Variants in RNF17 observed in about 807,000 individuals in gnomAD.
RNF17 encodes spermatogenesis associated 23.
In RNF17, 31 loss-of-function variants were observed where a neutral mutation model predicts 200.5. The observed-to-expected ratio is 0.15, with a 90% CI of 0.12 to 0.21. RNF17 has a LOEUF of 0.21. RNF17 is among the 10% of genes least tolerant of loss of function. The pLI is 1.00. For synonymous variants in RNF17, 606 were observed against 637.8 expected, an observed-to-expected ratio of 0.95 and a Z score of 0.75; for missense variants, 1,628 against 1,905.1, an observed-to-expected ratio of 0.85 and a Z score of 2.71.
intron 18 of RNF17, among the ~76,000 whole-genome samples, chr13:24,841,657 T>TA (rs1373570278): frequency 2.0e-5 from 3 of 152,162 alleles, no homozygotes; most frequent in East Asian, 3.8e-4. Flanking sequence ...TTCCAATTTT[T>TA]AAAAAAATTG....
intron 31 of RNF17, 60 bp from the exon 32 acceptor site, chr13:24,870,511 C>T: frequency 6.8e-7 from 1 of 1,478,210 alleles, no homozygotes; most frequent in Non-Finnish European, 9.3e-7. Context: ...ATTTTGTCCA[C>T]ATACGTGAAT....
At chr13:24,826,074 G>A in intron 16 of RNF17, 1 of 985,110 alleles carries the variant, frequency 1.0e-6, no homozygotes, top group Non-Finnish European at 1.2e-6. Flanking sequence ...CTGTTTGTCT[G>A]TCCCATGCTA....
intron 3 of RNF17, among the ~76,000 whole-genome samples, chr13:24,777,760 T>C (rs558537592): frequency 3.1e-4 from 47 of 152,304 alleles, no homozygotes; most frequent in Non-Finnish European, 4.6e-4. Flanking sequence ...TAAAACACAA[T>C]ATATAAGCCA....
At chr13:24,803,480 G>A (rs957610271) in intron 14 of RNF17, among the ~76,000 whole-genome samples, 1 of 152,126 alleles carries the variant, frequency 6.6e-6, no homozygotes, top group Non-Finnish European at 1.5e-5. Flanking sequence ...TGTATTTTTA[G>A]CAGAGACAGG....
At chr13:24,808,282 G>T (rs1886145315) in intron 15 of RNF17, among the ~76,000 whole-genome samples, 1 of 152,018 alleles carries the variant, frequency 6.6e-6, no homozygotes, top group African/African-American at 2.4e-5. Flanking sequence ...CCATGAGCAT[G>T]GAATGTTCTT....
chr13:24,768,880 TATG>T (rs1043757657), intron 2 of RNF17, among the ~76,000 whole-genome samples: 1 of 151,962 alleles, frequency 6.6e-6, no homozygotes, highest in African/African-American at 2.4e-5. Context: ...GCAAGTTAAA[TATG>T]GTTAAAAAAA....
intron 15 of RNF17, among the ~76,000 whole-genome samples, chr13:24,808,553 A>G (rs371797474): frequency 1.8e-4 from 21 of 118,816 alleles, no homozygotes; most frequent in African/African-American, 3.1e-4. Context: ...GGCTGAGACA[A>G]TGGGATTTTC....
At chr13:24,811,508 C>G (rs910836478) in intron 15 of RNF17, among the ~76,000 whole-genome samples, 1 of 152,068 alleles carries the variant, frequency 6.6e-6, no homozygotes, top group Non-Finnish European at 1.5e-5. Flanking sequence ...CCTTTAAGCA[C>G]TTCTCTGTAT....
At chr13:24,763,444 C>T (rs1879040688), upstream of RNF17, among the ~76,000 whole-genome samples, 1 of 148,968 alleles carries the variant, frequency 6.7e-6, no homozygotes. Context: ...GTCTCGATCT[C>T]CTGACCTCGT....
At chr13:24,831,103 T>C (rs560208712) in intron 17 of RNF17, among the ~76,000 whole-genome samples, 2 of 152,340 alleles carry the variant, frequency 1.3e-5, no homozygotes, top group African/African-American at 4.8e-5. Flanking sequence ...AGCCATGTTT[T>C]TCATTTTAGG....
At chr13:24,868,030 T>G (rs1029665322) in intron 30 of RNF17, among the ~76,000 whole-genome samples, 18 of 152,246 alleles carry the variant, frequency 1.2e-4, no homozygotes, top group African/African-American at 3.6e-4. Flanking sequence ...TATGTGTAGA[T>G]AATATGCACA....
the RNF17 span, among the ~76,000 whole-genome samples, chr13:24,749,613 T>C: frequency 0.018 from 2,670 of 152,336 alleles, 79 homozygotes; most frequent in African/African-American, 0.061. Flanking sequence ...GAATATGAGA[T>C]CATTGAGTTG....
chr13:24,805,843 C>T (rs1312220047), intron 15 of RNF17, among the ~76,000 whole-genome samples: 1 of 152,116 alleles, frequency 6.6e-6, no homozygotes, highest in East Asian at 1.9e-4. Flanking sequence ...CCAATTTCTC[C>T]ACACCCTCAT....
chr13:24,789,377 T>G lies in RNF17; in HGVS notation c.813T>G (p.Asp271Glu). The G allele has an allele frequency of 6.2e-7, 1 of 1,604,800 alleles. No homozygotes were observed. Among genetic ancestry groups the G allele is most frequent in the Non-Finnish European group, 8.5e-7 (1 of 1,173,208 alleles). ...TCCGGACTTTGCAGTTAACTTCAGA[T>G]AGTGAATTAGCACAAGTTAGTTCTC... Reference protein sequence around the residue: ...QIIRTLQLTSDSELAQVSSPQ... With the variant: ...QIIRTLQLTSESELAQVSSPQ... Residue 271 changes from aspartate to glutamate, a missense_variant, in exon 8 of 36, where the codon GAT becomes GAG. This residue lies in a region of RNF17 where 502 missense variants were observed against 501.7 expected (regional missense o/e 1.00). Coordinates refer to ENST00000255324, the MANE Select transcript of RNF17 (RefSeq NM_031277.3).
chr13:24,764,984 T>G (rs538282901), intron 1 of RNF17, among the ~76,000 whole-genome samples: 3 of 152,094 alleles, frequency 2.0e-5, no homozygotes, highest in East Asian at 1.9e-4. Flanking sequence ...TCACCTACAA[T>G]CTACTCAAGT....
intron 3 of RNF17, among the ~76,000 whole-genome samples, chr13:24,778,031 G>A (rs1881812702): frequency 6.6e-6 from 1 of 152,124 alleles, no homozygotes; most frequent in African/African-American, 2.4e-5. Flanking sequence ...GGGGGCCGAG[G>A]TGGGTAGATC....
chr13:24,807,046 C>T (rs1885976724), intron 15 of RNF17, among the ~76,000 whole-genome samples: 1 of 151,668 alleles, frequency 6.6e-6, no homozygotes, highest in South Asian at 2.1e-4. Flanking sequence ...TCCAGTCTAT[C>T]ATTGTTGGAC....
At chr13:24,845,785 C>T (rs1891196876) in intron 22 of RNF17, among the ~76,000 whole-genome samples, 1 of 152,194 alleles carries the variant, frequency 6.6e-6, no homozygotes, top group South Asian at 2.1e-4. Flanking sequence ...CAAACTCCCA[C>T]AATACTGGAG....
At chr13:24,872,410 G>C (rs1894393946) in intron 32 of RNF17, among the ~76,000 whole-genome samples, 1 of 152,172 alleles carries the variant, frequency 6.6e-6, no homozygotes, top group Non-Finnish European at 1.5e-5. Flanking sequence ...TATGACATAA[G>C]GAAGTAGAAC....
Sources: gnomAD v4.1 joint callset for allele counts (sites outside exome capture counted in the v4.1 genomes callset) on GRCh38, gnomAD v4.1.1 for gene constraint, gnomAD v4.1.1 regional missense constraint, MANE v1.5 for transcripts, NCBI Gene and HGNC (gene_info 2026-07-23, HGNC 2026-07-21) for gene names.